The following MAGI3 variants were observed in gnomAD, a reference collection of about 807,000 sequenced individuals.
MAGI3 encodes membrane-associated guanylate kinase, WW and PDZ domain-containing protein 3.
Under a neutral mutation model 121.8 loss-of-function variants are expected in MAGI3, and 43 were observed. The observed-to-expected ratio is 0.35, with a 90% CI of 0.28 to 0.46. The LOEUF (loss-of-function observed/expected upper bound fraction) is 0.46, where lower values mean the gene tolerates loss of function less well. MAGI3 is among the 20% of genes least tolerant of loss of function. The pLI, the probability that MAGI3 is intolerant of heterozygous loss-of-function variation, is 1.00. For synonymous variants in MAGI3, 553 were observed against 639.3 expected (o/e 0.86, Z 2.04); for missense variants, 1,547 against 1,797.3 (o/e 0.86, Z 2.52).
chr1:113,588,095 C>T (rs899118833), intron 4 of MAGI3, among the ~76,000 whole-genome samples: 1 of 152,180 alleles, frequency 6.6e-6, no homozygotes, highest in South Asian at 2.1e-4. Flanking sequence ...TAACATACAT[C>T]GTGTGTTAGA....
At chr1:113,604,817 A>G (rs2101759424) in intron 6 of MAGI3, among the ~76,000 whole-genome samples, 1 of 151,552 alleles carries the variant, frequency 6.6e-6, no homozygotes, top group East Asian at 1.9e-4. Context: ...TTGAAGATTC[A>G]GAAGGGAGGA....
At chr1:113,407,596 T>C (rs1347672670) in intron 1 of MAGI3, among the ~76,000 whole-genome samples, 1 of 151,868 alleles carries the variant, frequency 6.6e-6, no homozygotes, top group Non-Finnish European at 1.5e-5. Flanking sequence ...TGCCTTTCAA[T>C]GTAAATTGCA....
intron 6 of MAGI3, among the ~76,000 whole-genome samples, chr1:113,603,195 A>G (rs1239990725): frequency 6.6e-6 from 1 of 152,186 alleles, no homozygotes; most frequent in African/African-American, 2.4e-5. Flanking sequence ...TGAGGCTACT[A>G]TGAATAAGTG....
At position 113,521,179 on chromosome 1, in the gene MAGI3, C is replaced by T. The variant is rs192874854; in HGVS notation, c.317-28336C>T. Among the ~76,000 whole-genome samples the T allele has an allele frequency of 4.0e-4, 61 of 151,416 alleles. No homozygotes were observed. In the East Asian group the frequency reaches 8.8e-3, roughly 22 times the overall value. Reference sequence around the variant, plus strand: ...TCGGCTCACTGCAACCTCCGCCTCCCGGGTTCAAGCGATTCTCCTGCCTCA... The same window carrying T: ...TCGGCTCACTGCAACCTCCGCCTCCTGGGTTCAAGCGATTCTCCTGCCTCA... On this transcript the variant is annotated intron_variant, in intron 1 of 20. Transcript: ENST00000307546.
intron 5 of MAGI3, among the ~76,000 whole-genome samples, chr1:113,591,769 A>C (rs971503461): frequency 6.6e-6 from 1 of 152,204 alleles, no homozygotes; most frequent in Admixed American, 6.5e-5. Flanking sequence ...TTTAGAACTA[A>C]GCCCCAAAAT....
At chr1:113,507,437 T>G (rs1657390360) in intron 1 of MAGI3, among the ~76,000 whole-genome samples, 2 of 152,198 alleles carry the variant, frequency 1.3e-5, no homozygotes, top group Admixed American at 1.3e-4. Flanking sequence ...GCAGAAGGTT[T>G]GAGGGAATAG....
intron 2 of MAGI3, among the ~76,000 whole-genome samples, chr1:113,556,244 AG>A (rs139851531): frequency 0.22 from 34,005 of 152,092 alleles, 4,876 homozygotes; most frequent in East Asian, 0.65. Flanking sequence ...AATAGAAAAT[AG>A]AAAAAAACCA....
At chr1:113,606,663 T>G (rs1424056078) in intron 6 of MAGI3, among the ~76,000 whole-genome samples, 2 of 152,140 alleles carry the variant, frequency 1.3e-5, no homozygotes, top group African/African-American at 4.8e-5. Context: ...ATACTTCAAA[T>G]AAGCTTATTT....
intron 1 of MAGI3, among the ~76,000 whole-genome samples, chr1:113,424,492 A>G (rs1652901071): frequency 6.6e-6 from 1 of 152,136 alleles, no homozygotes; most frequent in South Asian, 2.1e-4. Flanking sequence ...TACACCTCAA[A>G]GTAACCACTA....
chr1:113,497,184 G>C (rs1157746266), intron 1 of MAGI3, among the ~76,000 whole-genome samples: 1 of 151,808 alleles, frequency 6.6e-6, no homozygotes, highest in South Asian at 2.1e-4. Context: ...TTGATCCCAG[G>C]AGGTGGAGGT....
Position 113,633,205 on chromosome 1 carries a change from C to T in MAGI3, c.1361-8706C>T, listed in dbSNP as rs1299903762. Among the ~76,000 whole-genome samples, 12 of 130,160 alleles carry T rather than the reference C, an allele frequency of 9.2e-5. No homozygotes were observed. In the East Asian group the frequency reaches 2.6e-3, roughly 28 times the overall value. 85.4% of individuals were successfully genotyped at this position (130,160 alleles called of 152,430 possible). A position where few individuals can be genotyped will look rare whatever the true frequency, so the allele number is the denominator to read the frequency against. On this transcript the variant is annotated intron_variant, in intron 9 of 20. Coordinates refer to ENST00000307546, the MANE Select transcript of MAGI3 (RefSeq NM_001142782.2). ...TACTGAGCATGATGATTTCCAATTT[C>T]ATCCATGTCCCTACAAAGGACATGA...
At chr1:113,655,394 A>G (rs993251184) in intron 15 of MAGI3, among the ~76,000 whole-genome samples, 4 of 152,144 alleles carry the variant, frequency 2.6e-5, no homozygotes, top group African/African-American at 9.7e-5. Context: ...AGTGTTCACT[A>G]TAAAACTAAG....
At chr1:113,537,925 T>C (rs1659085524) in intron 1 of MAGI3, among the ~76,000 whole-genome samples, 1 of 152,200 alleles carries the variant, frequency 6.6e-6, no homozygotes, top group Admixed American at 6.5e-5. Context: ...AATACTTAAA[T>C]TATTTTGTTT....
intron 1 of MAGI3, among the ~76,000 whole-genome samples, chr1:113,535,118 C>T (rs1210187911): frequency 1.3e-5 from 2 of 152,086 alleles, no homozygotes; most frequent in African/African-American, 2.4e-5. Flanking sequence ...ACATGTGTTC[C>T]TAGTTATGCA....
intron 9 of MAGI3, among the ~76,000 whole-genome samples, chr1:113,639,859 C>T (rs1384387326): frequency 1.3e-5 from 2 of 152,184 alleles, no homozygotes; most frequent in East Asian, 1.9e-4. Flanking sequence ...TGAGCCACCG[C>T]GTCTGGCCTA....
chr1:113,443,806 A>G (rs1654031618), intron 1 of MAGI3, among the ~76,000 whole-genome samples: 1 of 152,296 alleles, frequency 6.6e-6, no homozygotes, highest in Middle Eastern at 3.4e-3. Context: ...CAGACAGACT[A>G]TATGTTTTAT....
At chr1:113,598,336 T>G (rs1171334091) in intron 6 of MAGI3, among the ~76,000 whole-genome samples, 1 of 151,124 alleles carries the variant, frequency 6.6e-6, no homozygotes, top group East Asian at 1.9e-4. Flanking sequence ...TATCTCAATA[T>G]TAATGTTGAA....
chr1:113,437,890 C>CA, intron 1 of MAGI3, among the ~76,000 whole-genome samples: 1 of 2,594 alleles, frequency 3.9e-4, no homozygotes, highest in Non-Finnish European at 1.0e-3. Flanking sequence ...CCTTCTCCTT[C>CA]TCCTTCTCCT....
chr1:113,519,804 A>G (rs1041310068), intron 1 of MAGI3, among the ~76,000 whole-genome samples: 3 of 152,204 alleles, frequency 2.0e-5, no homozygotes, highest in Non-Finnish European at 4.4e-5. Flanking sequence ...CACATACCAG[A>G]TTTCCAGACT....
Sources: allele counts gnomAD v4.1 joint callset (sites outside exome capture counted in the v4.1 genomes callset), GRCh38; gene constraint gnomAD v4.1.1; transcripts MANE v1.5; gene names NCBI Gene and HGNC (gene_info 2026-07-23, HGNC 2026-07-21).